UNC5D: variants seen among roughly 807,000 people sequenced by gnomAD.
UNC5D encodes the protein unc-5 netrin receptor D.
UNC5D carries 39 observed loss-of-function variants against 105.4 expected under a neutral mutation model. The observed-to-expected ratio is 0.37, with a 90% CI of 0.29 to 0.48. The LOEUF (loss-of-function observed/expected upper bound fraction) is 0.48. UNC5D is among the 20% of genes least tolerant of loss of function. The pLI, the probability that UNC5D is intolerant of heterozygous loss-of-function variation, is 0.98. For missense variants in UNC5D, 991 were observed against 1,202.4 expected, an observed-to-expected ratio of 0.82 and a Z score of 2.60; for synonymous variants, 452 against 450.4, an observed-to-expected ratio of 1.00 and a Z score of -0.04.
intron 2 of UNC5D, among the ~76,000 whole-genome samples, chr8:35,551,073 A>T (rs1022194822): frequency 7.2e-5 from 11 of 152,170 alleles, no homozygotes; most frequent in Non-Finnish European, 1.5e-4. Flanking sequence ...CTGGTGATCG[A>T]TCATATTGAT....
intron 4 of UNC5D, among the ~76,000 whole-genome samples, chr8:35,652,554 C>CATAGATGAGTAAAAGTAAAA (rs1823483240): frequency 1.3e-5 from 2 of 151,414 alleles, no homozygotes; most frequent in Non-Finnish European, 2.9e-5. Context: ...TAAAGCATAG[C>CATAGATGAGTAAAAGTAAAA]ATAATTACTT....
chr8:35,422,172 A>G (rs1401381094), intron 1 of UNC5D, among the ~76,000 whole-genome samples: 4 of 152,186 alleles, frequency 2.6e-5, no homozygotes, highest in South Asian at 4.1e-4. Context: ...CACCGGTTGC[A>G]ATATGGCCCC....
intron 7 of UNC5D, among the ~76,000 whole-genome samples, chr8:35,694,108 A>C (rs1826593018): frequency 6.6e-6 from 1 of 152,186 alleles, no homozygotes; most frequent in Non-Finnish European, 1.5e-5. Context: ...ACCCATTAGG[A>C]AGCTTAAAAA....
intron 4 of UNC5D, among the ~76,000 whole-genome samples, chr8:35,664,569 C>T (rs1160583248): frequency 6.6e-6 from 1 of 151,938 alleles, no homozygotes; most frequent in Non-Finnish European, 1.5e-5. Flanking sequence ...AATAGAGATG[C>T]AGTTTCACCA....
intron 1 of UNC5D, among the ~76,000 whole-genome samples, chr8:35,412,492 A>G (rs1410280848): frequency 6.6e-6 from 1 of 151,666 alleles, no homozygotes; most frequent in Non-Finnish European, 1.5e-5. Context: ...ACTGAACCAC[A>G]ATCAGAAAGA....
intron 1 of UNC5D, among the ~76,000 whole-genome samples, chr8:35,325,844 TG>T (rs1810112237): frequency 6.6e-6 from 1 of 152,122 alleles, no homozygotes; most frequent in African/African-American, 2.4e-5. Context: ...CCACAATTAA[TG>T]GTCACCAAAA....
In UNC5D at chr8:35,790,815, G is replaced by A; in HGVS notation, c.*252G>A. On this transcript the variant is annotated 3_prime_UTR_variant, in exon 17 of 17. Coordinates refer to ENST00000404895, the MANE Select transcript of UNC5D (RefSeq NM_080872.4). ...ACATTTGGGTTAACTCCTCAGATTT[G>A]GAGTGGCAAGGATAAAAGTGAGGGC... is the stretch of plus-strand genomic sequence containing the variant. 1.9e-6 allele frequency: 1 copy of A among 526,832 alleles called. No individual in the cohort carries two copies. Among genetic ancestry groups the A allele is most frequent in the Non-Finnish European group, 3.4e-6 (1 of 293,726 alleles). 32.6% of individuals were successfully genotyped at this position (526,832 alleles called of 1,614,324 possible).
At chr8:35,480,690 T>A (rs577119201) in intron 1 of UNC5D, among the ~76,000 whole-genome samples, 1 of 152,274 alleles carries the variant, frequency 6.6e-6, no homozygotes, top group South Asian at 2.1e-4. Context: ...TTCTAGCAAG[T>A]ATGGGATAGA....
chr8:35,515,459 C>T (rs1362997898), intron 1 of UNC5D, among the ~76,000 whole-genome samples: 5 of 152,056 alleles, frequency 3.3e-5, no homozygotes, highest in South Asian at 2.1e-4. Context: ...CCGAGGTGGG[C>T]GAATCACTTG....
chr8:35,305,579 T>TTTC (rs1563297654), intron 1 of UNC5D, among the ~76,000 whole-genome samples: 15 of 89,056 alleles, frequency 1.7e-4, no homozygotes, highest in African/African-American at 5.0e-4. Flanking sequence ...TTCTTTCTTT[T>TTTC]TCTTTCTTTC....
intron 1 of UNC5D, among the ~76,000 whole-genome samples, chr8:35,368,116 A>G (rs1802229688): frequency 6.6e-6 from 1 of 152,206 alleles, no homozygotes; most frequent in South Asian, 2.1e-4. Flanking sequence ...CAAAAGAAAG[A>G]GAACTTAAAC....
intron 3 of UNC5D, 145 bp from the exon 4 acceptor site, chr8:35,595,409 A>C (rs1274407584): frequency 3.0e-6 from 2 of 674,512 alleles, no homozygotes; most frequent in African/African-American, 3.6e-5. Flanking sequence ...CGATTCTCTT[A>C]TTCTAGAATT....
chr8:35,428,395 A>T (rs1255019491), intron 1 of UNC5D, among the ~76,000 whole-genome samples: 1 of 120,716 alleles, frequency 8.3e-6, no homozygotes, highest in Admixed American at 1.1e-4. Context: ...CATGTTGCCC[A>T]TGCGGGTCTC....
In UNC5D at chr8:35,464,877, T is replaced by A. The variant is rs1231020381; in HGVS notation, c.104-84415T>A. On this transcript the variant is annotated intron_variant, in intron 1 of 16. Coordinates refer to ENST00000404895, the MANE Select transcript of UNC5D (RefSeq NM_080872.4). ...GATTTTGAAATCCTCTTCTTCCCCC[T>A]CCAGAAACCTGATAACATTCAGAGC... Among the ~76,000 whole-genome samples the A allele has an allele frequency of 2.0e-5, 3 of 152,200 alleles. No individual in the cohort carries two copies. The East Asian group carries it at 5.8e-4, about 29-fold the overall frequency.
At chr8:35,601,549 C>G (rs1819886173) in intron 4 of UNC5D, among the ~76,000 whole-genome samples, 1 of 152,108 alleles carries the variant, frequency 6.6e-6, no homozygotes, top group African/African-American at 2.4e-5. Flanking sequence ...GTATTTTATT[C>G]TCTTTGAAGC....
chr8:35,456,631 A>G (rs1478096989), intron 1 of UNC5D, among the ~76,000 whole-genome samples: 3 of 152,206 alleles, frequency 2.0e-5, no homozygotes, highest in African/African-American at 7.2e-5. Flanking sequence ...ACTTTGCCTA[A>G]AAGTACAAAC....
At chr8:35,240,282 G>T (rs1802725212) in intron 1 of UNC5D, among the ~76,000 whole-genome samples, 1 of 152,092 alleles carries the variant, frequency 6.6e-6, no homozygotes, top group South Asian at 2.1e-4. Context: ...GCTACTGCCG[G>T]CATAAGACCT....
intron 1 of UNC5D, among the ~76,000 whole-genome samples, chr8:35,367,770 C>T (rs1802203759): frequency 6.6e-6 from 1 of 152,176 alleles, no homozygotes; most frequent in African/African-American, 2.4e-5. Flanking sequence ...TTTGCTTCTA[C>T]TTGCTCTGAT....
chr8:35,646,117 T>C (rs1175307520), intron 4 of UNC5D, among the ~76,000 whole-genome samples: 5 of 152,178 alleles, frequency 3.3e-5, no homozygotes, highest in Admixed American at 2.6e-4. Context: ...CTCATTGGCA[T>C]GCAATTTAGT....
Sources: allele counts gnomAD v4.1 joint callset (sites outside exome capture counted in the v4.1 genomes callset), GRCh38; gene constraint gnomAD v4.1.1; transcripts MANE v1.5; gene names NCBI Gene and HGNC (gene_info 2026-07-23, HGNC 2026-07-21).